RBFOX3: variants seen among roughly 807,000 people sequenced by gnomAD.
The protein encoded by RBFOX3 is RNA binding fox-1 homolog 3.
In RBFOX3, 17 loss-of-function variants were observed where a neutral mutation model predicts 48.7. The observed-to-expected ratio is 0.35, with a 90% CI of 0.24 to 0.52. The LOEUF (loss-of-function observed/expected upper bound fraction) is 0.52. RBFOX3 is among the 20% of genes least tolerant of loss of function. The pLI, the probability that RBFOX3 is intolerant of heterozygous loss-of-function variation, is 0.94. For missense variants in RBFOX3, 382 were observed against 497.5 expected (o/e 0.77, Z 2.21); for synonymous variants, 212 against 209.5 (o/e 1.01, Z -0.10).
Position 79,094,390 on chromosome 17 carries a change from C to T in RBFOX3, c.1077+61G>A, listed in dbSNP as rs1479743064. Reference sequence around the variant, plus strand: ...GGCTCGGCCTCTCCCCCAAGGGCCTCACCACCCATGCCCAGCTGTTAGGAC... The same window carrying T: ...GGCTCGGCCTCTCCCCCAAGGGCCTTACCACCCATGCCCAGCTGTTAGGAC... On this transcript the variant is annotated intron_variant, in intron 14 of 14. Transcript: ENST00000693108. 9 of 1,297,040 alleles carry T rather than the reference C, an allele frequency of 6.9e-6. No individual in the cohort carries two copies. The East Asian group carries it at 8.8e-5, about 13-fold the overall frequency. 80.3% of individuals were successfully genotyped at this position (1,297,040 alleles called of 1,614,324 possible). A position where few individuals can be genotyped will look rare whatever the true frequency, so the allele number is the denominator to read the frequency against.
intron 2 of RBFOX3, among the ~76,000 whole-genome samples, chr17:79,350,071 TAGAG>T (rs2083611005): frequency 6.6e-6 from 1 of 152,128 alleles, no homozygotes; most frequent in Non-Finnish European, 1.5e-5. Context: ...CCCACCTGTG[TAGAG>T]AGAATCAGAC....
At chr17:79,595,424 G>A (rs1229937157) in intron 1 of RBFOX3, among the ~76,000 whole-genome samples, 3 of 152,228 alleles carry the variant, frequency 2.0e-5, no homozygotes, top group African/African-American at 7.2e-5. Context: ...ACGAGACAGT[G>A]CACCAGGTCC....
At chr17:79,183,152 G>A (rs1175716297) in intron 4 of RBFOX3, 2 of 147,932 alleles carry the variant, frequency 1.4e-5, no homozygotes, top group Non-Finnish European at 3.0e-5. Flanking sequence ...AGCGCAGCGG[G>A]GGCCACCGGT....
At chr17:79,617,271 T>TG in the RBFOX3 span, among the ~76,000 whole-genome samples, 2 of 152,090 alleles carry the variant, frequency 1.3e-5, no homozygotes, top group Non-Finnish European at 2.9e-5. Context: ...GCTCTGGGGA[T>TG]GGGGGGGTCT....
At chr17:79,542,007 C>A (rs566528579) in intron 1 of RBFOX3, among the ~76,000 whole-genome samples, 9 of 151,382 alleles carry the variant, frequency 5.9e-5, no homozygotes, top group Non-Finnish European at 1.3e-4. Context: ...ACCATGTTCT[C>A]TGCTGCCTTT....
chr17:79,458,025 T>C (rs1483279662), intron 2 of RBFOX3, among the ~76,000 whole-genome samples: 1 of 152,120 alleles, frequency 6.6e-6, no homozygotes, highest in Non-Finnish European at 1.5e-5. Flanking sequence ...TCCCTTGACC[T>C]CGCAATCATG....
intron 2 of RBFOX3, among the ~76,000 whole-genome samples, chr17:79,330,485 T>C (rs61173931): frequency 0.24 from 36,959 of 152,044 alleles, 4,532 homozygotes; most frequent in East Asian, 0.29. Flanking sequence ...TGCAGAATCT[T>C]GGGTCATTCC....
At chr17:79,547,798 T>C (rs2090656040) in intron 1 of RBFOX3, among the ~76,000 whole-genome samples, 1 of 152,106 alleles carries the variant, frequency 6.6e-6, no homozygotes, top group African/African-American at 2.4e-5. Context: ...CCCCTCTCCC[T>C]GGACAAGGCT....
chr17:79,449,045 A>G (rs907592500), intron 2 of RBFOX3, among the ~76,000 whole-genome samples: 2 of 151,950 alleles, frequency 1.3e-5, no homozygotes, highest in African/African-American at 4.8e-5. Context: ...CTGCTTTGCC[A>G]GGTTGGGGGT....
At chr17:79,584,666 G>A (rs1163598537) in intron 1 of RBFOX3, among the ~76,000 whole-genome samples, 3 of 152,162 alleles carry the variant, frequency 2.0e-5, no homozygotes, top group African/African-American at 7.2e-5. Flanking sequence ...AAGTAACTCA[G>A]GAATGGAAAA....
At chr17:79,112,923 GTAGGACTTCAGGGATGGT>G (rs2032506699) in intron 5 of RBFOX3, among the ~76,000 whole-genome samples, 1 of 127,272 alleles carries the variant, frequency 7.9e-6, no homozygotes, top group African/African-American at 3.0e-5. Flanking sequence ...GGTGGGCTGG[GTAGGACTTCAGGGATGGT>G]GGGGAAGGAA....
intron 4 of RBFOX3, among the ~76,000 whole-genome samples, chr17:79,147,171 TC>T (rs1216445239): frequency 6.6e-6 from 1 of 152,158 alleles, no homozygotes; most frequent in East Asian, 1.9e-4. Context: ...GTCCGTGTCG[TC>T]CTCAGAGATG....
At chr17:79,437,758 C>T (rs1463769983) in intron 2 of RBFOX3, among the ~76,000 whole-genome samples, 1 of 152,246 alleles carries the variant, frequency 6.6e-6, no homozygotes, top group African/African-American at 2.4e-5. Context: ...AAACCTGTGT[C>T]ATCTCCCAAA....
intron 4 of RBFOX3, among the ~76,000 whole-genome samples, chr17:79,125,133 C>T (rs191837986): frequency 2.0e-5 from 3 of 152,350 alleles, no homozygotes; most frequent in Non-Finnish European, 4.4e-5. Context: ...CCACCTGCTG[C>T]CTGTTGGATC....
rs905683647 is a variant in RBFOX3 at position 79,205,598 on chromosome 17, G to A, written c.-34+30168C>T. 4.6e-5 allele frequency among the ~76,000 whole-genome samples: 7 copies of A among 152,122 alleles called. No individual in the cohort carries two copies. The highest frequency in any genetic ancestry group is 1.4e-4 in the African/African-American group (6 of 41,398). ...TCAAATACTTAAAGGAAGCAAGGAT[G>A]AGGTCCCCATCCTATCCTTGTTCAA... On this transcript the variant is annotated intron_variant, in intron 4 of 14. Transcript: ENST00000693108. This position sits in a 1 kb window ranked among gnomAD's most constrained non-coding sequence, Gnocchi z 4.5.
At chr17:79,419,764 CT>C (rs1158228535) in intron 2 of RBFOX3, among the ~76,000 whole-genome samples, 1 of 152,186 alleles carries the variant, frequency 6.6e-6, no homozygotes, top group African/African-American at 2.4e-5. Context: ...GGCAGGGCTG[CT>C]TGTGTGAGTT....
rs866087111 is a variant in RBFOX3, at chr17:79,097,887, C to T, written c.569-142G>A. 5.5e-5 allele frequency: 44 copies of T among 798,618 alleles called. No individual in the cohort carries two copies. The South Asian group carries it at 6.3e-4, about 12-fold the overall frequency. 49.5% of individuals were successfully genotyped at this position (798,618 alleles called of 1,614,324 possible). ...CTCCCCGCGCCGGGCCCCCCTTTCC[C>T]ACACTGCCCGGACAAGTGCTGAGTT... On this transcript the variant is annotated intron_variant, in intron 9 of 14. Transcript: ENST00000693108.
chr17:79,379,873 G>A (rs1374232172), intron 2 of RBFOX3, among the ~76,000 whole-genome samples: 3 of 152,120 alleles, frequency 2.0e-5, no homozygotes, highest in African/African-American at 4.8e-5. Flanking sequence ...AAGAAGCACA[G>A]AGCGGCTCTC....
chr17:79,260,926 G>A (rs186677446), intron 3 of RBFOX3, among the ~76,000 whole-genome samples: 33 of 152,154 alleles, frequency 2.2e-4, no homozygotes, highest in African/African-American at 8.0e-4. Context: ...GGCACCTGCC[G>A]GCACACTCCA....
Sources: allele counts gnomAD v4.1 joint callset (sites outside exome capture counted in the v4.1 genomes callset), GRCh38; gene constraint gnomAD v4.1.1; non-coding constraint Gnocchi (gnomAD v3.1); transcripts MANE v1.5; gene names NCBI Gene and HGNC (gene_info 2026-07-23, HGNC 2026-07-21).